The following CHRM2 variants were observed in gnomAD, a reference collection of about 807,000 sequenced individuals.
CHRM2 encodes the protein cholinergic receptor muscarinic 2, also known as muscarinic acetylcholine receptor M2.
Under a neutral mutation model 25.0 loss-of-function variants are expected in CHRM2, and 8 were observed. The ratio of observed to expected loss-of-function variants is 0.32; its 90% CI spans 0.19 to 0.58. The LOEUF (loss-of-function observed/expected upper bound fraction) is 0.58, where lower values mean the gene tolerates loss of function less well. Ranked by LOEUF, CHRM2 falls within the 20% of genes least tolerant of loss-of-function variation. The pLI is 0.88. For synonymous variants in CHRM2, 202 were observed against 205.7 expected (o/e 0.98, Z 0.15); for missense variants, 440 against 567.1 (o/e 0.78, Z 2.28).
intron 2 of CHRM2, among the ~76,000 whole-genome samples, chr7:136,933,948 TTTTG>T (rs1386755104): frequency 6.6e-6 from 1 of 152,042 alleles, no homozygotes; most frequent in African/African-American, 2.4e-5. Flanking sequence ...AGTATGAGAT[TTTTG>T]TTCTGTTTTT....
chr7:136,902,393 G>A (rs1398773198), intron 2 of CHRM2: 1 of 151,966 alleles, frequency 6.6e-6, no homozygotes, highest in African/African-American at 2.4e-5. Flanking sequence ...AAGTGAGAAG[G>A]TAAGCTATAG....
At chr7:136,974,322 G>A (rs1298084766) in intron 2 of CHRM2, among the ~76,000 whole-genome samples, 2 of 152,112 alleles carry the variant, frequency 1.3e-5, no homozygotes, top group Non-Finnish European at 2.9e-5. Flanking sequence ...GCTAAGCAGA[G>A]GAGACACAGT....
intron 2 of CHRM2, among the ~76,000 whole-genome samples, chr7:136,948,610 G>A (rs953248602): frequency 6.6e-6 from 1 of 152,128 alleles, no homozygotes; most frequent in African/African-American, 2.4e-5. Context: ...GGGTGACCAC[G>A]GATTTGGCTA....
intron 2 of CHRM2, chr7:136,914,313 A>T (rs1250888405): frequency 6.6e-6 from 1 of 151,988 alleles, no homozygotes; most frequent in Non-Finnish European, 1.5e-5. Context: ...TGAAAGAAAA[A>T]CAATTACAAT....
intron 2 of CHRM2, among the ~76,000 whole-genome samples, chr7:136,908,537 G>A (rs773170783): frequency 6.2e-4 from 94 of 152,022 alleles, no homozygotes; most frequent in Non-Finnish European, 1.1e-3. Context: ...GAAGCCGTTG[G>A]CTGACACAGG....
chr7:136,901,070 A>T (rs190115748), intron 2 of CHRM2, among the ~76,000 whole-genome samples: 3 of 152,222 alleles, frequency 2.0e-5, no homozygotes, highest in Admixed American at 2.0e-4. Context: ...GAATGATATA[A>T]CAGTAATTGA....
intron 2 of CHRM2, among the ~76,000 whole-genome samples, chr7:136,874,582 C>T (rs1193325976): frequency 7.4e-6 from 1 of 135,118 alleles, no homozygotes; most frequent in Non-Finnish European, 1.6e-5. Context: ...CCCTCTCTCC[C>T]CTCTTCCCTC....
chr7:136,882,977 G>A (rs1358644392), intron 2 of CHRM2, among the ~76,000 whole-genome samples: 1 of 152,060 alleles, frequency 6.6e-6, no homozygotes, highest in Non-Finnish European at 1.5e-5. Flanking sequence ...AAAGATAAAT[G>A]AACAAAGATG....
chr7:136,949,751 TTTTTTG>T (rs1800288598), intron 2 of CHRM2, among the ~76,000 whole-genome samples: 1 of 2,198 alleles, frequency 4.5e-4, no homozygotes, highest in South Asian at 0.014. Context: ...GATTTTTTTT[TTTTTTG>T]GAGACAGAGT....
rs750756797 is a variant in CHRM2 at position 137,016,312 on chromosome 7, G to A, written c.*46G>A. ...AAGGTGGGCAAGGGGAGCTTGAGAA[G>A]AATAAAAGGGATAAACGAGCTCCTA... On this transcript the variant is annotated 3_prime_UTR_variant, in exon 4 of 4. Coordinates refer to ENST00000680005, the MANE Select transcript of CHRM2 (RefSeq NM_001006630.2). 3.9e-6 allele frequency: 6 copies of A among 1,557,740 alleles called. No individual in the cohort carries two copies. Among genetic ancestry groups the A allele is most frequent in the South Asian group, 1.1e-5 (1 of 89,584 alleles).
chr7:136,959,257 T>C (rs1056452309), intron 2 of CHRM2, among the ~76,000 whole-genome samples: 2 of 152,260 alleles, frequency 1.3e-5, no homozygotes, highest in African/African-American at 4.8e-5. Flanking sequence ...TCTTCTGCTA[T>C]AGTAATTTTT....
chr7:137,010,273 A>C (rs570319796), intron 3 of CHRM2, among the ~76,000 whole-genome samples: 1 of 152,204 alleles, frequency 6.6e-6, no homozygotes, highest in East Asian at 1.9e-4. Flanking sequence ...TGGGAAAGCA[A>C]GTAGTGAAGA....
chr7:137,008,597 C>T (rs983033224), intron 3 of CHRM2, among the ~76,000 whole-genome samples: 6 of 151,974 alleles, frequency 3.9e-5, no homozygotes, highest in South Asian at 2.1e-4. Context: ...GGGCAAGAAA[C>T]GCCAAAGAAC....
chr7:136,889,922 C>T lies in CHRM2; in HGVS notation c.-125+20504C>T, dbSNP rs146947607. Among the ~76,000 whole-genome samples, 16 of 152,306 alleles carry T rather than the reference C, an allele frequency of 1.1e-4. No individual in the cohort carries two copies. The East Asian group carries it at 2.9e-3, about 28-fold the overall frequency. ...TTCACAAATATAAAGCACAGACAGG[C>T]GACCTCAGCTGCCTCCTCTGTTGAC... On this transcript the variant is annotated intron_variant, in intron 2 of 3. Transcript: ENST00000680005.
intron 2 of CHRM2, among the ~76,000 whole-genome samples, chr7:136,928,160 G>A (rs1175729909): frequency 6.6e-6 from 1 of 152,128 alleles, no homozygotes; most frequent in Non-Finnish European, 1.5e-5. Context: ...AGGAGCATTG[G>A]TGGAGAATCA....
In CHRM2 at chr7:137,003,371, C is replaced by T. The variant is rs538005753; in HGVS notation, c.-47+11107C>T. ...ATGCTTTATGAGAAATTTTCCTTAA[C>T]CTTTAGAAGAACAGAGACATTCTTT... On this transcript the variant is annotated intron_variant, in intron 3 of 3. Transcript: ENST00000680005. 9.1e-4 allele frequency among the ~76,000 whole-genome samples: 138 copies of T among 152,106 alleles called. 2 individuals carry two copies. The highest frequency in any genetic ancestry group is 1.7e-3 in the Non-Finnish European group (113 of 67,980).
chr7:136,980,306 C>G (rs1040698143), intron 2 of CHRM2, among the ~76,000 whole-genome samples: 28 of 152,166 alleles, frequency 1.8e-4, no homozygotes, highest in African/African-American at 5.8e-4. Flanking sequence ...TATCCTGAGA[C>G]TTTGCTGAAG....
At chr7:136,904,316 A>G (rs1458012294) in intron 2 of CHRM2, among the ~76,000 whole-genome samples, 4 of 151,936 alleles carry the variant, frequency 2.6e-5, no homozygotes, top group African/African-American at 9.7e-5. Context: ...AAAAATTATT[A>G]TAACATTTTT....
At chr7:136,925,942 C>T (rs151285747) in intron 2 of CHRM2, among the ~76,000 whole-genome samples, 9 of 152,272 alleles carry the variant, frequency 5.9e-5, no homozygotes, top group African/African-American at 2.2e-4. Flanking sequence ...CTAACCCCTA[C>T]TTATAGTCTA....
Sources: allele counts gnomAD v4.1 joint callset (sites outside exome capture counted in the v4.1 genomes callset), GRCh38; gene constraint gnomAD v4.1.1; transcripts MANE v1.5; gene names NCBI Gene and HGNC (gene_info 2026-07-23, HGNC 2026-07-21).